The following ITGBL1 variants were observed in gnomAD, a reference collection of about 807,000 sequenced individuals.
ITGBL1 encodes integrin subunit beta like 1.
In ITGBL1, 51 loss-of-function variants were observed where a neutral mutation model predicts 68.5. The ratio of observed to expected loss-of-function variants is 0.74; its 90% CI spans 0.59 to 0.94. The LOEUF (loss-of-function observed/expected upper bound fraction) is 0.94. Among genes scored for constraint, ITGBL1 ranks in the 40% least tolerant of loss-of-function variants. The pLI is 0.00. For synonymous variants in ITGBL1, 209 were observed against 227.3 expected, an observed-to-expected ratio of 0.92 and a Z score of 0.72; for missense variants, 649 against 647.4, an observed-to-expected ratio of 1.00 and a Z score of -0.03.
intron 2 of ITGBL1, among the ~76,000 whole-genome samples, chr13:101,544,130 TG>T (rs748249589): frequency 1.3e-5 from 2 of 152,210 alleles, no homozygotes; most frequent in Non-Finnish European, 2.9e-5. Flanking sequence ...AGAGGTGCTC[TG>T]CTTTTTAGAG....
intron 7 of ITGBL1, among the ~76,000 whole-genome samples, chr13:101,639,895 G>T (rs1315529649): frequency 6.6e-6 from 1 of 152,108 alleles, no homozygotes; most frequent in Non-Finnish European, 1.5e-5. Flanking sequence ...TTTCTTTACT[G>T]ATTGAAGGGT....
chr13:101,614,961 C>G (rs1373655597), intron 7 of ITGBL1, among the ~76,000 whole-genome samples: 1 of 152,104 alleles, frequency 6.6e-6, no homozygotes, highest in Non-Finnish European at 1.5e-5. Flanking sequence ...AGGTTAGATT[C>G]CTAGGGCTGC....
chr13:101,570,217 A>G (rs2050250443), intron 3 of ITGBL1, among the ~76,000 whole-genome samples: 2 of 152,282 alleles, frequency 1.3e-5, no homozygotes, highest in South Asian at 4.1e-4. Context: ...CATTTTGTAC[A>G]TAATTATTCT....
intron 2 of ITGBL1, among the ~76,000 whole-genome samples, chr13:101,566,707 A>C (rs2050188613): frequency 6.6e-6 from 1 of 152,094 alleles, no homozygotes; most frequent in African/African-American, 2.4e-5. Context: ...CAATGACTTC[A>C]TGTGGCCTAT....
intron 7 of ITGBL1, among the ~76,000 whole-genome samples, chr13:101,676,834 A>G (rs961844344): frequency 1.3e-5 from 2 of 152,230 alleles, no homozygotes; most frequent in Non-Finnish European, 2.9e-5. Context: ...TTACCATTAA[A>G]TTAAATAAGC....
intron 2 of ITGBL1, among the ~76,000 whole-genome samples, chr13:101,466,846 A>G (rs2048388519): frequency 6.6e-6 from 1 of 152,024 alleles, no homozygotes; most frequent in Admixed American, 6.6e-5. Flanking sequence ...CGAAGGAAGG[A>G]CTCCTTTAGA....
intron 7 of ITGBL1, among the ~76,000 whole-genome samples, chr13:101,628,268 T>G (rs1276531268): frequency 2.0e-5 from 3 of 152,198 alleles, no homozygotes; most frequent in African/African-American, 7.2e-5. Context: ...TCTGTTAAGA[T>G]CTTTGGGCCA....
At chr13:101,600,942 G>A (rs566377695) in intron 7 of ITGBL1, among the ~76,000 whole-genome samples, 94 of 152,270 alleles carry the variant, frequency 6.2e-4, no homozygotes, top group African/African-American at 2.2e-3. Flanking sequence ...TCAGGATGAT[G>A]CTGACCTCAT....
intron 2 of ITGBL1, among the ~76,000 whole-genome samples, chr13:101,549,561 GA>G (rs1191695112): frequency 6.6e-6 from 1 of 151,880 alleles, no homozygotes; most frequent in Non-Finnish European, 1.5e-5. Flanking sequence ...TGAATGCCCA[GA>G]AAAATAATGA....
At position 101,613,537 on chromosome 13, in the gene ITGBL1, C is replaced by A. The variant is rs113059938; in HGVS notation, c.1015+15238C>A. ...CTGCTGTAAGTACGGAGGGCAGGGACCCTCTCCCAGGAAGTCATATTTGGC... is the reference window on the plus strand; with the variant it reads ...CTGCTGTAAGTACGGAGGGCAGGGAACCTCTCCCAGGAAGTCATATTTGGC... On this transcript the variant is annotated intron_variant, in intron 7 of 10. Transcript: ENST00000376180. Among the ~76,000 whole-genome samples, 629 of 152,204 alleles carry A rather than the reference C, an allele frequency of 4.1e-3. 2 individuals are homozygous for A. Among genetic ancestry groups the A allele is most frequent in the African/African-American group, 0.015 (608 of 41,550 alleles).
intron 7 of ITGBL1, among the ~76,000 whole-genome samples, chr13:101,645,215 A>G (rs866191570): frequency 6.6e-6 from 1 of 152,092 alleles, no homozygotes; most frequent in Non-Finnish European, 1.5e-5. Flanking sequence ...CCACACTTGC[A>G]CTCATGCTCT....
At chr13:101,636,620 A>C (rs2032178753) in intron 7 of ITGBL1, among the ~76,000 whole-genome samples, 1 of 152,128 alleles carries the variant, frequency 6.6e-6, no homozygotes, top group African/African-American at 2.4e-5. Context: ...ACCAAGTTCT[A>C]CTCCTAGGTT....
chr13:101,497,473 G>A (rs1269676681), intron 2 of ITGBL1, among the ~76,000 whole-genome samples: 1 of 152,172 alleles, frequency 6.6e-6, no homozygotes, highest in Non-Finnish European at 1.5e-5. Context: ...CTCAAAATAT[G>A]TAATTGCAAT....
In ITGBL1 at chr13:101,706,829, G is replaced by A. The variant is rs772930776; in HGVS notation, c.1206G>A (p.Arg402=). Residue 402 remains arginine (R), a synonymous_variant, in exon 9 of 11, where the codon CGG becomes CGA. Transcript: ENST00000376180. ...GWFGKLCQHP[R]KCNMTEEQSK... ...TTGGAAAGCTCTGCCAACATCCGCG[G>A]AAGTGTAACATGACGGAAGAACAAA... The A allele has an allele frequency of 1.2e-6, 2 of 1,614,092 alleles. No individual in the cohort carries two copies. The highest frequency in any genetic ancestry group is 1.7e-6 in the Non-Finnish European group (2 of 1,180,038).
chr13:101,628,425 C>G (rs1185235346), intron 7 of ITGBL1, among the ~76,000 whole-genome samples: 2 of 148,942 alleles, frequency 1.3e-5, no homozygotes, highest in Non-Finnish European at 3.0e-5. Flanking sequence ...CTTTTCTTTT[C>G]TTTTTCTTTT....
At chr13:101,710,381 T>G (rs2034403862) in intron 9 of ITGBL1, among the ~76,000 whole-genome samples, 1 of 152,110 alleles carries the variant, frequency 6.6e-6, no homozygotes, top group Non-Finnish European at 1.5e-5. Flanking sequence ...CATGGAACTG[T>G]GATCTATGAT....
Position 101,454,075 on chromosome 13 carries a change from G to C in ITGBL1, c.291G>C (p.Glu97Asp). 1 of 1,583,906 alleles carries C rather than the reference G, an allele frequency of 6.3e-7. No homozygotes were observed. The highest frequency in any genetic ancestry group is 1.8e-5 in the Admixed American group (1 of 56,004). The change falls in exon 2 of 11, where the codon GAG (glutamate) becomes GAC (aspartate). Residue 97 changes from glutamate to aspartate, a missense_variant. By Grantham distance (45) the Glu-to-Asp change is conservative. Transcript: ENST00000376180. Reference sequence around the variant, plus strand: ...GTGAGTGCCATGAGTGGGTGTGCGAGACCTACGACGGGAGCACCTGTGCAG... The same window carrying C: ...GTGAGTGCCATGAGTGGGTGTGCGACACCTACGACGGGAGCACCTGTGCAG... ...PLCECHEWVC[E>D]TYDGSTCAGH...
intron 2 of ITGBL1, among the ~76,000 whole-genome samples, chr13:101,536,087 T>C (rs1296462190): frequency 1.3e-5 from 2 of 151,790 alleles, no homozygotes; most frequent in Non-Finnish European, 2.9e-5. Context: ...AGTTTTAGGG[T>C]ACATGTGCAC....
At chr13:101,480,993 C>T (rs1594835953) in intron 2 of ITGBL1, among the ~76,000 whole-genome samples, 1 of 139,704 alleles carries the variant, frequency 7.2e-6, no homozygotes, top group African/African-American at 2.6e-5. Context: ...CCTTTTAATG[C>T]CAAAAGATAT....
Sources: allele counts gnomAD v4.1 joint callset (sites outside exome capture counted in the v4.1 genomes callset), GRCh38; gene constraint gnomAD v4.1.1; transcripts MANE v1.5; gene names NCBI Gene and HGNC (gene_info 2026-07-23, HGNC 2026-07-21).